The following RIPOR2 variants were observed in gnomAD, a reference collection of about 807,000 sequenced individuals.
The protein encoded by RIPOR2 is RHO family interacting cell polarization regulator 2, also known as rho family-interacting cell polarization regulator 2.
In RIPOR2, 39 loss-of-function variants were observed where a neutral mutation model predicts 114.5. That is an observed-to-expected ratio of 0.34 (90% CI 0.26 to 0.44). The LOEUF is 0.44. Among genes scored for constraint, RIPOR2 ranks in the 20% least tolerant of loss-of-function variants. RIPOR2 has a pLI of 1.00. For synonymous variants in RIPOR2, 445 were observed against 484.4 expected (o/e 0.92, Z 1.07); for missense variants, 1,007 against 1,255.1 (o/e 0.80, Z 2.99).
At chr6:24,999,950 C>G (rs1775226507) in intron 1 of RIPOR2, among the ~76,000 whole-genome samples, 2 of 152,166 alleles carry the variant, frequency 1.3e-5, no homozygotes, top group Non-Finnish European at 1.5e-5. Context: ...CCTCTCTGAG[C>G]CCATCAGTAT....
intron 1 of RIPOR2, among the ~76,000 whole-genome samples, chr6:25,038,630 A>G (rs1777350491): frequency 6.6e-6 from 1 of 152,228 alleles, no homozygotes; most frequent in South Asian, 2.1e-4. Flanking sequence ...AAGGAACTAA[A>G]TTCTGCCCAC....
At chr6:24,913,768 AG>A (rs1332670856) in intron 1 of RIPOR2, among the ~76,000 whole-genome samples, 3 of 152,034 alleles carry the variant, frequency 2.0e-5, no homozygotes, top group Non-Finnish European at 4.4e-5. Context: ...ACTTCCTTTT[AG>A]GTTCTTACTA....
intron 7 of RIPOR2, among the ~76,000 whole-genome samples, chr6:24,863,501 T>C (rs112248910): frequency 6.6e-6 from 1 of 152,222 alleles, no homozygotes. Context: ...TCCTTTATAA[T>C]TGGAAACGGC....
chr6:24,831,069 G>T (rs1032666499), intron 16 of RIPOR2, among the ~76,000 whole-genome samples: 1 of 151,966 alleles, frequency 6.6e-6, no homozygotes, highest in African/African-American at 2.4e-5. Context: ...GTGTGTATGT[G>T]GGGGGTCTTT....
intron 16 of RIPOR2, among the ~76,000 whole-genome samples, chr6:24,831,408 C>T (rs1218904812): frequency 6.6e-6 from 1 of 152,120 alleles, no homozygotes; most frequent in Non-Finnish European, 1.5e-5. Flanking sequence ...TTTTACCCTG[C>T]CCAGGTGGTT....
intron 6 of RIPOR2, among the ~76,000 whole-genome samples, chr6:24,867,887 G>T (rs1764784749): frequency 6.6e-6 from 1 of 152,172 alleles, no homozygotes; most frequent in Non-Finnish European, 1.5e-5. Flanking sequence ...CAAACAGAAA[G>T]AGTACCACTG....
chr6:24,964,178 T>TGA, intron 1 of RIPOR2, among the ~76,000 whole-genome samples: 1 of 151,550 alleles, frequency 6.6e-6, no homozygotes, highest in South Asian at 2.1e-4. Flanking sequence ...TGTGTGTGTG[T>TGA]GTTTCTTTGC....
At chr6:24,936,228 A>G (rs1771800157), upstream of RIPOR2, among the ~76,000 whole-genome samples, 1 of 152,226 alleles carries the variant, frequency 6.6e-6, no homozygotes, top group African/African-American at 2.4e-5. Context: ...TATTTCCTTA[A>G]AGAGGAAGGT....
At chr6:24,948,871 G>A (rs1025029747) in intron 1 of RIPOR2, among the ~76,000 whole-genome samples, 1 of 152,116 alleles carries the variant, frequency 6.6e-6, no homozygotes, top group African/African-American at 2.4e-5. Flanking sequence ...TTAAATGTCA[G>A]TTCAGGTTGA....
Position 25,005,215 on chromosome 6 carries a change from C to G in RIPOR2, c.76+36636G>C, listed in dbSNP as rs181727575. On this transcript the variant is annotated intron_variant, in intron 1 of 13. Transcript: ENST00000510784. ...GTAACACTTCACACTGTTGTGGTCA[C>G]CAGAGGTTGAAGGAGGCCCTGGGGT... is the stretch of plus-strand genomic sequence containing the variant. Among the ~76,000 whole-genome samples, 83 of 152,278 alleles carry G rather than the reference C, an allele frequency of 5.5e-4. 1 individual carries two copies. Among genetic ancestry groups the G allele is most frequent in the African/African-American group, 1.9e-3 (79 of 41,544 alleles).
At chr6:24,945,724 G>A (rs1008404848) in intron 1 of RIPOR2, among the ~76,000 whole-genome samples, 1 of 151,868 alleles carries the variant, frequency 6.6e-6, no homozygotes, top group Non-Finnish European at 1.5e-5. Context: ...AATCCCCAAG[G>A]CGATCACTAA....
rs945215330 is a variant in RIPOR2, at chr6:24,935,915, G to A, written c.-17C>T. On this transcript the variant is annotated 5_prime_UTR_variant, in exon 1 of 22. Transcript: ENST00000643898. Reference sequence around the variant, plus strand: ...AAACTGCATCTTGGAGAGGACAGGCGCGAGAAGCAGCAGGCAGCAGCCCCG... The same window carrying A: ...AAACTGCATCTTGGAGAGGACAGGCACGAGAAGCAGCAGGCAGCAGCCCCG... The A allele has an allele frequency of 8.0e-5, 122 of 1,529,908 alleles. No homozygotes were observed. In the Admixed American group the frequency reaches 1.6e-3, roughly 20 times the overall value. 94.8% of individuals were successfully genotyped at this position (1,529,908 alleles called of 1,614,324 possible). A position where few individuals can be genotyped will look rare whatever the true frequency, so the allele number is the denominator to read the frequency against.
chr6:24,860,951 C>T (rs574468106), intron 8 of RIPOR2, 22 bp downstream of exon 8: 2 of 1,516,906 alleles, frequency 1.3e-6, no homozygotes, highest in East Asian at 2.3e-5. Context: ...TCCTTATTCT[C>T]TCTAAACAAG....
At chr6:24,840,318 C>G in intron 13 of RIPOR2, 1 of 1,051,238 alleles carries the variant, frequency 9.5e-7, no homozygotes. Context: ...AGCCCTGCTT[C>G]CTCTGGAGCT....
chr6:24,864,324 T>C (rs1261622279), intron 7 of RIPOR2, among the ~76,000 whole-genome samples: 2 of 152,134 alleles, frequency 1.3e-5, no homozygotes, highest in Admixed American at 1.3e-4. Context: ...AGCAAGACTC[T>C]ATCTCTCAAA....
At position 25,036,939 on chromosome 6, in the gene RIPOR2, G is replaced by C. The variant is rs374592785; in HGVS notation, c.76+4912C>G. ...TAGGGTGCCTGGCTGAGGAAGATGG[G>C]GATGCCTTCTCCAGTATGACATGTC... On this transcript the variant is annotated intron_variant, in intron 1 of 13. Coordinates refer to the RIPOR2 transcript ENST00000510784. 1.4e-4 allele frequency among the ~76,000 whole-genome samples: 21 copies of C among 152,198 alleles called. No homozygotes were observed. The East Asian group carries it at 3.7e-3, about 27-fold the overall frequency.
intron 1 of RIPOR2, among the ~76,000 whole-genome samples, chr6:24,889,903 T>C (rs907766817): frequency 2.0e-5 from 3 of 151,948 alleles, no homozygotes; most frequent in Non-Finnish European, 4.4e-5. Context: ...TTTTATTTTA[T>C]TTTTTTGAGA....
intron 1 of RIPOR2, chr6:25,023,642 G>T (rs762192971): frequency 7.9e-6 from 6 of 762,722 alleles, no homozygotes; most frequent in Non-Finnish European, 1.4e-5. Context: ...GCCTGCTGGG[G>T]TCTCATAGAT....
chr6:24,865,580 T>G, intron 6 of RIPOR2, 130 bp from the exon 7 acceptor site: 1 of 721,950 alleles, frequency 1.4e-6, no homozygotes, highest in South Asian at 2.6e-5. Flanking sequence ...AGTATTATCC[T>G]TTTAGATAGG....
Sources: gnomAD v4.1 joint callset for allele counts (sites outside exome capture counted in the v4.1 genomes callset) on GRCh38, gnomAD v4.1.1 for gene constraint, MANE v1.5 for transcripts, NCBI Gene and HGNC (gene_info 2026-07-23, HGNC 2026-07-21) for gene names.